Variants in UMAD1 observed in about 807,000 individuals in gnomAD.
UMAD1 encodes the protein UBAP1-MVB12-associated (UMA)-domain containing protein 1.
A neutral mutation model predicts 6.1 loss-of-function variants in UMAD1; 8 were observed. The ratio of observed to expected loss-of-function variants is 1.30; its 90% CI spans 0.76 to 2.35. UMAD1 has a LOEUF of 2.35. UMAD1 is among the 30% of genes most tolerant of loss of function. UMAD1 has a pLI of 0.00. For synonymous variants in UMAD1, 56 were observed against 31.4 expected, an observed-to-expected ratio of 1.78 and a Z score of -2.61; for missense variants, 130 against 78.4, an observed-to-expected ratio of 1.66 and a Z score of -2.49.
At chr7:7,826,874 A>G (rs1783351994) in intron 3 of UMAD1, among the ~76,000 whole-genome samples, 1 of 152,210 alleles carries the variant, frequency 6.6e-6, no homozygotes, top group Non-Finnish European at 1.5e-5. Flanking sequence ...TACTAATCTT[A>G]TAACAATTCA....
intron 2 of UMAD1, among the ~76,000 whole-genome samples, chr7:7,777,644 A>G: frequency 6.9e-6 from 1 of 145,132 alleles, no homozygotes; most frequent in Non-Finnish European, 1.5e-5. Flanking sequence ...AAAAAAATTT[A>G]TGTTGTTCAG....
At chr7:7,797,118 G>A (rs1782700357) in intron 2 of UMAD1, among the ~76,000 whole-genome samples, 1 of 152,188 alleles carries the variant, frequency 6.6e-6, no homozygotes, top group Non-Finnish European at 1.5e-5. Context: ...AGGGCCCCAG[G>A]AAGCTTACAA....
chr7:7,785,304 T>C (rs1449554143), intron 2 of UMAD1, among the ~76,000 whole-genome samples: 1 of 152,012 alleles, frequency 6.6e-6, no homozygotes, highest in Non-Finnish European at 1.5e-5. Context: ...GTGTGTTCAG[T>C]GGAAAGAGGT....
At chr7:7,806,943 G>A (rs1339085742) in intron 3 of UMAD1, among the ~76,000 whole-genome samples, 2 of 152,106 alleles carry the variant, frequency 1.3e-5, no homozygotes, top group Non-Finnish European at 2.9e-5. Context: ...AAGAACCTTT[G>A]GAGAAGGTGG....
At chr7:7,862,480 A>G (rs1477824957) in intron 3 of UMAD1, among the ~76,000 whole-genome samples, 3 of 152,210 alleles carry the variant, frequency 2.0e-5, no homozygotes. Context: ...ACAATAAATA[A>G]GGCTATATAA....
At chr7:7,650,845 C>G (rs1785209162) in intron 1 of UMAD1, among the ~76,000 whole-genome samples, 1 of 152,188 alleles carries the variant, frequency 6.6e-6, no homozygotes, top group African/African-American at 2.4e-5. Context: ...GAAAGACATT[C>G]CAGGTTCTGG....
intron 3 of UMAD1, chr7:7,868,245 G>T (rs1020981307): frequency 1.3e-5 from 2 of 152,004 alleles, no homozygotes; most frequent in African/African-American, 2.4e-5. Flanking sequence ...TATTAAATAG[G>T]ATCCTGCATT....
chr7:7,728,944 G>A (rs926248975), intron 2 of UMAD1, among the ~76,000 whole-genome samples: 8 of 152,178 alleles, frequency 5.3e-5, no homozygotes, highest in African/African-American at 1.9e-4. Flanking sequence ...CAGTCCAGTT[G>A]TAGAGACAGA....
rs928280709 is a variant in UMAD1 at position 7,782,856 on chromosome 7, A to G, written c.83-18814A>G. On this transcript the variant is annotated intron_variant, in intron 2 of 3. Coordinates refer to ENST00000682710, the MANE Select transcript of UMAD1 (RefSeq NM_001302348.2). ...GCGATTCTCCTGCCTCAGCCTCCCA[A>G]ATAGCTGGGACTACAGATGCACGCC... is the stretch of plus-strand genomic sequence containing the variant. 2.6e-5 allele frequency among the ~76,000 whole-genome samples: 4 copies of G among 151,924 alleles called. No individual in the cohort carries two copies. In the East Asian group the frequency reaches 7.8e-4, roughly 29 times the overall value.
In UMAD1 at chr7:7,860,787, AAT is replaced by A. The variant is rs1491579419; in HGVS notation, c.157-16492_157-16491del. On this transcript the variant is annotated intron_variant, in intron 3 of 3. Coordinates refer to ENST00000682710, the MANE Select transcript of UMAD1 (RefSeq NM_001302348.2). ...GAGACTCCATCTCAAAAAAAAAAAA[AAT>A]AACAAAAAAAATAATAATAATAATA... is the stretch of plus-strand genomic sequence containing the variant. Among the ~76,000 whole-genome samples the A allele has an allele frequency of 5.4e-4, 24 of 44,194 alleles. 1 individual carries two copies. Among genetic ancestry groups the A allele is most frequent in the South Asian group, 1.3e-3 (3 of 2,252 alleles). 29.0% of individuals were successfully genotyped at this position (44,194 alleles called of 152,430 possible). A position where few individuals can be genotyped will look rare whatever the true frequency, so the allele number is the denominator to read the frequency against.
At chr7:7,711,463 C>CA (rs1554318315) in intron 2 of UMAD1, among the ~76,000 whole-genome samples, 2 of 152,052 alleles carry the variant, frequency 1.3e-5, no homozygotes, top group African/African-American at 4.8e-5. Context: ...ATACTCTATC[C>CA]TTTTTAAGGA....
rs551164340 is a variant in UMAD1, at chr7:7,720,770, A to G, written c.82+47317A>G. On this transcript the variant is annotated intron_variant, in intron 2 of 3. Transcript: ENST00000682710. ...AGAGCCTTCAGTGAAGGCTAAGTGC[A>G]GGTGTGCTGCCTTCTAGTAATCCAG... 2.0e-5 allele frequency among the ~76,000 whole-genome samples: 3 copies of G among 152,318 alleles called. No individual in the cohort carries two copies. In the South Asian group the frequency reaches 6.2e-4, roughly 32 times the overall value.
At chr7:7,726,139 T>C (rs993987386) in intron 2 of UMAD1, among the ~76,000 whole-genome samples, 5 of 152,090 alleles carry the variant, frequency 3.3e-5, no homozygotes, top group Non-Finnish European at 7.4e-5. Context: ...ACAAAGAAAA[T>C]TGGGGAAGAG....
chr7:7,860,483 G>A (rs1014857071), intron 3 of UMAD1, among the ~76,000 whole-genome samples: 5 of 151,534 alleles, frequency 3.3e-5, no homozygotes, highest in African/African-American at 2.4e-5. Flanking sequence ...TGTCCTGGCC[G>A]AGCGTGGTGG....
chr7:7,758,463 A>G (rs1233182434), intron 2 of UMAD1, among the ~76,000 whole-genome samples: 1 of 152,178 alleles, frequency 6.6e-6, no homozygotes, highest in Non-Finnish European at 1.5e-5. Context: ...GTTATAAAGT[A>G]TAATACAACC....
intron 2 of UMAD1, among the ~76,000 whole-genome samples, chr7:7,726,980 G>T (rs557939517): frequency 6.6e-6 from 1 of 152,190 alleles, no homozygotes; most frequent in Non-Finnish European, 1.5e-5. Flanking sequence ...TCAGGTCAGC[G>T]GGAAACTACA....
chr7:7,661,564 T>C (rs921780919), intron 1 of UMAD1, among the ~76,000 whole-genome samples: 1 of 152,172 alleles, frequency 6.6e-6, no homozygotes, highest in African/African-American at 2.4e-5. Context: ...GACAGGCCCG[T>C]GTGCTGCAGG....
At position 7,877,771 on chromosome 7, in the gene UMAD1, G is replaced by C. The variant is rs1318280815; in HGVS notation, c.*233G>C. 4.2e-6 allele frequency: 2 copies of C among 480,124 alleles called. No individual in the cohort carries two copies. The highest frequency in any genetic ancestry group is 3.9e-5 in the African/African-American group (2 of 51,336). 29.7% of individuals were successfully genotyped at this position (480,124 alleles called of 1,614,324 possible). A position where few individuals can be genotyped will look rare whatever the true frequency, so the allele number is the denominator to read the frequency against. On this transcript the variant is annotated 3_prime_UTR_variant, in exon 4 of 4. Coordinates refer to ENST00000682710, the MANE Select transcript of UMAD1 (RefSeq NM_001302348.2). The stretch of plus-strand genomic sequence containing the variant: ...ATAATAAATATACAAATTAGGCTAT[G>C]AAGGTTTTAGGAAAGGACTCGATTC...
At chr7:7,743,914 C>A (rs919873301) in intron 2 of UMAD1, among the ~76,000 whole-genome samples, 4 of 152,004 alleles carry the variant, frequency 2.6e-5, no homozygotes, top group South Asian at 4.1e-4. Flanking sequence ...AAAATAAAAT[C>A]TTTATTGAGA....
Sources: gnomAD v4.1 joint callset for allele counts (sites outside exome capture counted in the v4.1 genomes callset) on GRCh38, gnomAD v4.1.1 for gene constraint, MANE v1.5 for transcripts, NCBI Gene and HGNC (gene_info 2026-07-23, HGNC 2026-07-21) for gene names.